Variants in PTPRD observed in about 807,000 individuals in gnomAD.
PTPRD encodes receptor-type tyrosine-protein phosphatase delta.
PTPRD carries 34 observed loss-of-function variants against 214.5 expected under a neutral mutation model. The observed-to-expected ratio is 0.16, with a 90% CI of 0.12 to 0.21. The LOEUF (loss-of-function observed/expected upper bound fraction) is 0.21, where lower values mean the gene tolerates loss of function less well. PTPRD is among the 10% of genes least tolerant of loss of function. The pLI is 1.00. For synonymous variants in PTPRD, 1,128 were observed against 845.7 expected (o/e 1.33, Z -5.79); for missense variants, 2,545 against 2,398.7 (o/e 1.06, Z -1.27).
At chr9:8,889,208 A>G (rs1444733664) in intron 11 of PTPRD, among the ~76,000 whole-genome samples, 1 of 152,096 alleles carries the variant, frequency 6.6e-6, no homozygotes, top group East Asian at 1.9e-4. Flanking sequence ...GATTTTGAAG[A>G]TGATATTTAC....
intron 14 of PTPRD, among the ~76,000 whole-genome samples, chr9:8,548,136 T>C (rs1564243530): frequency 1.3e-5 from 2 of 152,174 alleles, no homozygotes; most frequent in East Asian, 3.9e-4. Context: ...GTAAAGGGCC[T>C]TCAAGGCACA....
chr9:9,822,087 C>A lies in PTPRD; in HGVS notation c.-367-55236G>T, dbSNP rs1483271955. 2.6e-5 allele frequency among the ~76,000 whole-genome samples: 4 copies of A among 151,786 alleles called. No individual in the cohort carries two copies. The East Asian group carries it at 7.7e-4, about 29-fold the overall frequency. ...AATCATTATAACTGTAAATTTATCA[C>A]ATAAACTCACTTGAAAATTGGCCTT... On this transcript the variant is annotated intron_variant, in intron 5 of 45. Coordinates refer to ENST00000381196, the MANE Select transcript of PTPRD (RefSeq NM_002839.4).
chr9:9,927,861 G>A (rs2084903930), intron 5 of PTPRD, among the ~76,000 whole-genome samples: 1 of 152,056 alleles, frequency 6.6e-6, no homozygotes, highest in Non-Finnish European at 1.5e-5. Context: ...CTTGAGATAT[G>A]TGAATAAAGG....
chr9:8,888,244 A>G (rs116857872), intron 11 of PTPRD, among the ~76,000 whole-genome samples: 2,471 of 152,298 alleles, frequency 0.016, 29 homozygotes, highest in Non-Finnish European at 0.026. Flanking sequence ...ATCAAGTACT[A>G]TGTGAAAGTC....
At chr9:9,320,611 T>G (rs1425902603) in intron 9 of PTPRD, among the ~76,000 whole-genome samples, 1 of 152,104 alleles carries the variant, frequency 6.6e-6, no homozygotes, top group East Asian at 1.9e-4. Context: ...TCTACTATCC[T>G]CCTGATCTCA....
At chr9:8,463,929 T>C (rs2096484665) in intron 32 of PTPRD, among the ~76,000 whole-genome samples, 1 of 151,990 alleles carries the variant, frequency 6.6e-6, no homozygotes, top group Admixed American at 6.6e-5. Flanking sequence ...TGCAAATATT[T>C]ATGATATATA....
At chr9:8,702,824 G>T (rs940999811) in intron 12 of PTPRD, among the ~76,000 whole-genome samples, 1 of 152,170 alleles carries the variant, frequency 6.6e-6, no homozygotes, top group African/African-American at 2.4e-5. Context: ...GGCCAGGCCA[G>T]TCTCAAACTC....
chr9:9,777,159 C>G (rs571182961), intron 5 of PTPRD, among the ~76,000 whole-genome samples: 1 of 152,262 alleles, frequency 6.6e-6, no homozygotes, highest in African/African-American at 2.4e-5. Flanking sequence ...AACACTCTTA[C>G]CTCTGGTCCT....
intron 43 of PTPRD, 49 bp downstream of exon 43, chr9:8,338,873 A>G (rs1340027771): frequency 2.1e-6 from 2 of 946,772 alleles, no homozygotes; most frequent in South Asian, 1.8e-5. Context: ...GAGGTATCTT[A>G]GACTACTTTT....
At chr9:8,322,752 A>G (rs375359990) in intron 44 of PTPRD, among the ~76,000 whole-genome samples, 13 of 152,298 alleles carry the variant, frequency 8.5e-5, no homozygotes, top group African/African-American at 3.1e-4. Flanking sequence ...GAGATCTTCA[A>G]TGTAGACAAA....
At chr9:8,655,300 ATG>A (rs1402118536) in intron 12 of PTPRD, among the ~76,000 whole-genome samples, 2 of 152,186 alleles carry the variant, frequency 1.3e-5, no homozygotes, top group Non-Finnish European at 2.9e-5. Flanking sequence ...CTTTGGGGAA[ATG>A]TGTTTTATAA....
intron 2 of PTPRD, among the ~76,000 whole-genome samples, chr9:10,393,225 A>G (rs1428077232): frequency 2.0e-5 from 3 of 151,836 alleles, no homozygotes; most frequent in Non-Finnish European, 4.4e-5. Flanking sequence ...CTTCTGTAGC[A>G]AGTGAATATA....
intron 39 of PTPRD, among the ~76,000 whole-genome samples, chr9:8,355,537 G>A (rs1215406051): frequency 6.6e-6 from 1 of 152,206 alleles, no homozygotes; most frequent in Non-Finnish European, 1.5e-5. Flanking sequence ...ACAGTAGAGA[G>A]GACAGGGTTT....
chr9:8,315,347 G>C lies in PTPRD; in HGVS notation c.*2527C>G, dbSNP rs1821093575. On this transcript the variant is annotated 3_prime_UTR_variant, in exon 46 of 46. Transcript: ENST00000381196. The stretch of plus-strand genomic sequence containing the variant: ...CCAAATGGGCAGTTATTGTTTCAGG[G>C]AGAGAAGCTGCTCATTGGCCAATCA... 1 of 232,422 alleles carries C rather than the reference G, an allele frequency of 4.3e-6. No individual in the cohort carries two copies. Among genetic ancestry groups the C allele is most frequent in the Admixed American group, 5.6e-5 (1 of 17,716 alleles). 14.4% of individuals were successfully genotyped at this position (232,422 alleles called of 1,614,324 possible). A position where few individuals can be genotyped will look rare whatever the true frequency, so the allele number is the denominator to read the frequency against.
At chr9:10,571,181 G>A (rs1420328832) in intron 2 of PTPRD, among the ~76,000 whole-genome samples, 1 of 152,026 alleles carries the variant, frequency 6.6e-6, no homozygotes, top group African/African-American at 2.4e-5. Flanking sequence ...ATTGACTGCA[G>A]TTTTTAAATC....
chr9:9,329,283 A>G (rs12551172), intron 9 of PTPRD, among the ~76,000 whole-genome samples: 2 of 152,058 alleles, frequency 1.3e-5, no homozygotes, highest in East Asian at 1.9e-4. Flanking sequence ...CAAAAAAACC[A>G]AAGTCTTTAT....
At chr9:10,088,565 G>A (rs1171885236) in intron 3 of PTPRD, among the ~76,000 whole-genome samples, 1 of 151,640 alleles carries the variant, frequency 6.6e-6, no homozygotes, top group African/African-American at 2.4e-5. Context: ...GGTGATGCTA[G>A]GTCCATTTCA....
chr9:10,516,184 T>A (rs915698866), intron 2 of PTPRD, among the ~76,000 whole-genome samples: 2 of 151,962 alleles, frequency 1.3e-5, no homozygotes, highest in Non-Finnish European at 2.9e-5. Flanking sequence ...CATTTTATAT[T>A]CCTACTAACA....
chr9:9,385,262 A>G (rs1289301372), intron 9 of PTPRD, among the ~76,000 whole-genome samples: 1 of 152,208 alleles, frequency 6.6e-6, no homozygotes, highest in Non-Finnish European at 1.5e-5. Context: ...AGACAGCCAG[A>G]AATTTTAGTC....
Sources: allele counts gnomAD v4.1 joint callset (sites outside exome capture counted in the v4.1 genomes callset), GRCh38; gene constraint gnomAD v4.1.1; transcripts MANE v1.5; gene names NCBI Gene and HGNC (gene_info 2026-07-23, HGNC 2026-07-21).